Variants in ITGAD observed in about 807,000 individuals in gnomAD.
The protein encoded by ITGAD is integrin subunit alpha D.
In ITGAD, 105 loss-of-function variants were observed where a neutral mutation model predicts 139.0. That is an observed-to-expected ratio of 0.76 (90% CI 0.65 to 0.89). The LOEUF (loss-of-function observed/expected upper bound fraction) is 0.89. ITGAD is among the 40% of genes least tolerant of loss of function. The pLI is 0.00. For synonymous variants in ITGAD, 569 were observed against 598.3 expected, an observed-to-expected ratio of 0.95 and a Z score of 0.71; for missense variants, 1,384 against 1,487.3, an observed-to-expected ratio of 0.93 and a Z score of 1.14.
At position 31,410,811 on chromosome 16, in the gene ITGAD, G is replaced by C. The variant is rs1241760427; in HGVS notation, c.1289G>C (p.Gly430Ala). Residue 430 changes from glycine to alanine, a missense_variant, in exon 12 of 30, where the codon GGG (glycine) becomes GCG (alanine). Physicochemically the swap from Gly to Ala is moderately conservative, Grantham distance 60 (BLOSUM62 0). Coordinates refer to ENST00000389202, the MANE Select transcript of ITGAD (RefSeq NM_005353.3). ...GGGGCCCCCCGCTACCAGCATACCG[G>C]GAAGGCTGTCATCTTCACCCAGGTG... ...VLGAPRYQHTGKAVIFTQVSR... is the reference protein window; with the variant it reads ...VLGAPRYQHTAKAVIFTQVSR... 6.2e-7 allele frequency: 1 copy of C among 1,613,862 alleles called. No homozygotes were observed. The highest frequency in any genetic ancestry group is 2.2e-5 in the East Asian group (1 of 44,842).
At chr16:31,410,689 T>C (rs1180392964) in intron 11 of ITGAD, 47 bp from the exon 12 acceptor site, 1 of 1,066,524 alleles carries the variant, frequency 9.4e-7, no homozygotes. Context: ...TCCAGGGTTC[T>C]GGGGAGGGGG....
At chr16:31,406,490 T>G (rs2093815288) in intron 7 of ITGAD, among the ~76,000 whole-genome samples, 1 of 152,226 alleles carries the variant, frequency 6.6e-6, no homozygotes, top group Non-Finnish European at 1.5e-5. Context: ...ACTAATTGTT[T>G]CAGTTATCTA....
chr16:31,409,012 G>T (rs2081610767), intron 10 of ITGAD, among the ~76,000 whole-genome samples: 2 of 152,208 alleles, frequency 1.3e-5, no homozygotes, highest in Admixed American at 6.5e-5. Flanking sequence ...ATCCAGATGG[G>T]GCCGGTCACT....
chr16:31,394,162 A>G, intron 1 of ITGAD, 74 bp from the exon 2 acceptor site: 2 of 918,108 alleles, frequency 2.2e-6, no homozygotes, highest in Non-Finnish European at 3.4e-6. Context: ...AAAAAAAAGA[A>G]AAAGAGGCTG....
At chr16:31,402,281 A>G (rs746140092) in intron 6 of ITGAD, 36 bp downstream of exon 6, 5 of 237,630 alleles carry the variant, frequency 2.1e-5, no homozygotes, top group South Asian at 4.4e-5. Flanking sequence ...GGTTTGGGGG[A>G]CGGGGGAGGC....
intron 23 of ITGAD, among the ~76,000 whole-genome samples, chr16:31,422,023 C>A (rs140267311): frequency 1.3e-5 from 2 of 152,214 alleles, no homozygotes; most frequent in African/African-American, 4.8e-5. Context: ...CTCGACCTCC[C>A]AGGCTCAAGC....
intron 10 of ITGAD, among the ~76,000 whole-genome samples, chr16:31,409,911 CA>C (rs11447533): frequency 1.1e-3 from 102 of 89,758 alleles, no homozygotes; most frequent in Middle Eastern, 5.4e-3. Flanking sequence ...CAGCCTGTCT[CA>C]AAAAAAAAAA....
intron 18 of ITGAD, 98 bp from the exon 19 acceptor site, chr16:31,416,115 T>C: frequency 1.0e-6 from 1 of 964,504 alleles, no homozygotes; most frequent in South Asian, 1.6e-5. Flanking sequence ...CTGGGGGCAG[T>C]GGCTTAGTAA....
rs1320088602 is a variant in ITGAD at position 31,407,737 on chromosome 16, C to T, written c.859-29C>T. On this transcript the variant is annotated intron_variant, in intron 8 of 29. Coordinates refer to ENST00000389202, the MANE Select transcript of ITGAD (RefSeq NM_005353.3). Reference sequence around the variant, plus strand: ...CCTTCAGGTGCAGTGCTGCTGGGCTCATCCTCCTCGGCTGTCTCTCTGCTG... The same window carrying T: ...CCTTCAGGTGCAGTGCTGCTGGGCTTATCCTCCTCGGCTGTCTCTCTGCTG... 5.6e-6 allele frequency: 9 copies of T among 1,613,494 alleles called. 1 individual carries two copies. The East Asian group carries it at 8.9e-5, about 16-fold the overall frequency.
chr16:31,412,993 C>A (rs1046201754), intron 15 of ITGAD, 25 bp downstream of exon 15: 8 of 1,601,996 alleles, frequency 5.0e-6, no homozygotes, highest in Non-Finnish European at 6.8e-6. Context: ...ACATCCTGCC[C>A]TCCCGCGCTG....
At position 31,408,626 on chromosome 16, in the gene ITGAD, C is replaced by T. The variant is rs117626113; in HGVS notation, c.1083+128C>T. 1.2e-3 allele frequency: 914 copies of T among 762,024 alleles called. 3 individuals carry two copies. Among genetic ancestry groups the T allele is most frequent in the Non-Finnish European group, 1.8e-3 (818 of 460,044 alleles). 47.2% of individuals were successfully genotyped at this position (762,024 alleles called of 1,614,324 possible). On this transcript the variant is annotated intron_variant, in intron 10 of 29. Coordinates refer to ENST00000389202, the MANE Select transcript of ITGAD (RefSeq NM_005353.3). ...CTCAATCGCCAGGGAGAGGCCCCCA[C>T]GCGTGTGTTAGGGGCCAGGAGCACA... is the stretch of plus-strand genomic sequence containing the variant.
chr16:31,406,626 AG>A (rs2081546279), intron 7 of ITGAD, among the ~76,000 whole-genome samples: 1 of 152,138 alleles, frequency 6.6e-6, no homozygotes, highest in African/African-American at 2.4e-5. Flanking sequence ...CTCTTATTTC[AG>A]GTGGCCTTCC....
chr16:31,398,504 CAG>C (rs1364899751), intron 5 of ITGAD, among the ~76,000 whole-genome samples: 2 of 151,314 alleles, frequency 1.3e-5, no homozygotes, highest in Non-Finnish European at 2.9e-5. Context: ...TTTTTTGAGA[CAG>C]AGTCTTGCTC....
chr16:31,416,391 C>A, intron 19 of ITGAD, 105 bp downstream of exon 19: 1 of 1,507,818 alleles, frequency 6.6e-7, no homozygotes, highest in Non-Finnish European at 9.1e-7. Context: ...AAGTGATGTT[C>A]ACTGGATTGT....
In ITGAD at chr16:31,424,121, T is replaced by G. The variant is rs370390417; in HGVS notation, c.3179T>G (p.Leu1060Trp). Residue 1060 changes from leucine to tryptophan, a missense_variant, in exon 28 of 30, where the codon TTG (leucine) becomes TGG (tryptophan). By Grantham distance (61) the Leu-to-Trp change is moderately conservative. Coordinates refer to ENST00000389202, the MANE Select transcript of ITGAD (RefSeq NM_005353.3). ...TTGCAGACATTGCAGAAGAAGGTGTTGGTCGTGAGTGTGGCTGAAATTACG... is the reference window on the plus strand; with the variant it reads ...TTGCAGACATTGCAGAAGAAGGTGTGGGTCGTGAGTGTGGCTGAAATTACG... ...WVRETLQKKV[L>W]VVSVAEITFD... is the part of the protein sequence containing the mutation. 1 of 1,614,088 alleles carries G rather than the reference T, an allele frequency of 6.2e-7. No individual in the cohort carries two copies. Among genetic ancestry groups the G allele is most frequent in the Non-Finnish European group, 8.5e-7 (1 of 1,180,038 alleles).
chr16:31,396,838 C>CT (rs2081274471), intron 2 of ITGAD, among the ~76,000 whole-genome samples: 1 of 152,156 alleles, frequency 6.6e-6, no homozygotes, highest in African/African-American at 2.4e-5. Flanking sequence ...GTTATGGATC[C>CT]TAGTACACTG....
intron 23 of ITGAD, among the ~76,000 whole-genome samples, chr16:31,419,178 G>A (rs1214764883): frequency 1.3e-5 from 2 of 150,570 alleles, no homozygotes; most frequent in East Asian, 1.9e-4. Context: ...GGGCAATAGA[G>A]CAAGATTCTG....
chr16:31,397,363 G>T lies in ITGAD; in HGVS notation c.142G>T (p.Val48Leu). 1 of 1,595,660 alleles carries T rather than the reference G, an allele frequency of 6.3e-7. No individual in the cohort carries two copies. Among genetic ancestry groups the T allele is most frequent in the South Asian group, 1.1e-5 (1 of 88,018 alleles). ...TGGCCATGGTTGTGTCTCCAGACTC[G>T]TGGTGGGAGCACCCCTGGAGGTGGT... is the stretch of plus-strand genomic sequence containing the variant. ...SVVQFGGSRL[V>L]VGAPLEVVAA... The change falls in exon 3 of 30, where the codon GTG becomes TTG. Residue 48 changes from valine to leucine, a missense_variant. Coordinates refer to ENST00000389202, the MANE Select transcript of ITGAD (RefSeq NM_005353.3).
intron 16 of ITGAD, among the ~76,000 whole-genome samples, chr16:31,414,199 T>C (rs1257814390): frequency 6.6e-6 from 1 of 152,076 alleles, no homozygotes; most frequent in East Asian, 1.9e-4. Context: ...CATCTGTCTA[T>C]CTAATCTGTC....
Sources: gnomAD v4.1 joint callset for allele counts (sites outside exome capture counted in the v4.1 genomes callset) on GRCh38, gnomAD v4.1.1 for gene constraint, MANE v1.5 for transcripts, NCBI Gene and HGNC (gene_info 2026-07-23, HGNC 2026-07-21) for gene names.